Variants in SLC39A1 observed in about 807,000 individuals in gnomAD.
The protein encoded by SLC39A1 is zinc transporter ZIP1.
In SLC39A1, 17 loss-of-function variants were observed where a neutral mutation model predicts 21.4. The observed-to-expected ratio is 0.79, with a 90% CI of 0.54 to 1.19. SLC39A1 has a LOEUF of 1.19. Ranked by LOEUF, SLC39A1 falls within the 50% of genes most tolerant of loss-of-function variation. The pLI is 0.00. For synonymous variants in SLC39A1, 183 were observed against 185.9 expected, an observed-to-expected ratio of 0.98 and a Z score of 0.13; for missense variants, 343 against 399.8, an observed-to-expected ratio of 0.86 and a Z score of 1.21.
upstream of SLC39A1, among the ~76,000 whole-genome samples, chr1:153,965,902 A>G (rs534959263): frequency 1.8e-4 from 28 of 151,882 alleles, no homozygotes; most frequent in Non-Finnish European, 4.1e-4. Flanking sequence ...GATCTCCTCA[A>G]TTTTACCTTA....
chr1:153,965,735 C>T (rs1233247363), upstream of SLC39A1, among the ~76,000 whole-genome samples: 5 of 151,784 alleles, frequency 3.3e-5, no homozygotes, highest in South Asian at 4.2e-4. Context: ...TACAGGCGCC[C>T]GCCACCACGC....
Position 153,960,624 on chromosome 1 carries a change from C to T in SLC39A1, c.449G>A (p.Gly150Glu). ...ATGCTGCGGCCCACCATTCACTGTTCCCAGCAGAGCCCTTGTTTCCTCCAG... is the reference window on the plus strand; with the variant it reads ...ATGCTGCGGCCCACCATTCACTGTTTCCAGCAGAGCCCTTGTTTCCTCCAG... ...SPLEETRALL[G>E]TVNGGPQHWH... Residue 150 changes from glycine (G) to glutamate (E), a missense_variant, in exon 4 of 4, where the codon GGA (glycine) becomes GAA (glutamate). Gly to Glu is a moderately conservative substitution (Grantham distance 98). Transcript: ENST00000356205. 6.2e-7 allele frequency: 1 copy of T among 1,614,224 alleles called. No individual in the cohort carries two copies.
Position 153,960,008 on chromosome 1 carries a change from C to T in SLC39A1, c.*90G>A. 8.8e-6 allele frequency: 13 copies of T among 1,472,666 alleles called. No homozygotes were observed. The highest frequency in any genetic ancestry group is 1.1e-5 in the Non-Finnish European group (12 of 1,094,390). 91.2% of individuals were successfully genotyped at this position (1,472,666 alleles called of 1,614,324 possible). On this transcript the variant is annotated 3_prime_UTR_variant, in exon 4 of 4. Transcript: ENST00000356205. ...TTTTGGTCCTCAGTATTTCCCTTCC[C>T]CTTTCCTTCCTATTCCCCACAACTG... is the stretch of plus-strand genomic sequence containing the variant.
chr1:153,960,757 G>A lies in SLC39A1; in HGVS notation c.319-3C>T. 1 of 1,600,914 alleles carries A rather than the reference G, an allele frequency of 6.2e-7. No homozygotes were observed. Among genetic ancestry groups the A allele is most frequent in the African/African-American group, 1.3e-5 (1 of 74,858 alleles). ...AACTCTTGCAGTGGGAACTGGAGCT[G>A]TGGGCAGAAGCAGCAGCAAAATGTT... is the stretch of plus-strand genomic sequence containing the variant. On this transcript the variant is annotated splice_polypyrimidine_tract_variant and splice_region_variant and intron_variant, in intron 3 of 3. Transcript: ENST00000356205.
At chr1:153,964,766 C>G (rs1193748228), upstream of SLC39A1, 2 of 152,028 alleles carry the variant, frequency 1.3e-5, no homozygotes, top group Non-Finnish European at 2.9e-5. Flanking sequence ...ATGGTGAAAC[C>G]CCGTCTCTAC....
chr1:153,960,373 G>A lies in SLC39A1; in HGVS notation c.700C>T (p.Leu234Phe). The change falls in exon 4 of 4, where the codon CTT becomes TTT. Residue 234 changes from leucine (L) to phenylalanine (F), a missense_variant. Leu to Phe is a conservative substitution (Grantham distance 22). Transcript: ENST00000356205. ...CAGCCAGCCACCACCTGTGCCCTAA[G>A]GTGGCTCTGCAACAGCCGCAGGGAC... ...SLSLRLLQSH[L>F]RAQVVAGCGI... The A allele has an allele frequency of 6.2e-7, 1 of 1,614,004 alleles. No individual in the cohort carries two copies. The highest frequency in any genetic ancestry group is 8.5e-7 in the Non-Finnish European group (1 of 1,180,052).
At chr1:153,963,092 C>A (rs779123638) in intron 1 of SLC39A1, 30 of 185,654 alleles carry the variant, frequency 1.6e-4, no homozygotes, top group Non-Finnish European at 2.6e-4. Flanking sequence ...AATGTAGAGG[C>A]CGGGTCCCCA....
At chr1:153,961,119 T>C (rs1039096081) in intron 3 of SLC39A1, among the ~76,000 whole-genome samples, 3 of 151,982 alleles carry the variant, frequency 2.0e-5, no homozygotes, top group South Asian at 2.1e-4. Context: ...CTACTAAAAA[T>C]ACAAAAATTG....
intron 3 of SLC39A1, 49 bp from the exon 4 acceptor site, chr1:153,960,803 G>A: frequency 6.4e-7 from 1 of 1,555,692 alleles, no homozygotes; most frequent in South Asian, 1.2e-5. Flanking sequence ...AGAGTGAGAT[G>A]CAAAATCTGG....
intron 2 of SLC39A1, 22 bp downstream of exon 2, chr1:153,962,507 G>A (rs1466540933): frequency 6.2e-7 from 1 of 1,605,072 alleles, no homozygotes; most frequent in South Asian, 1.1e-5. Flanking sequence ...TCATAGCAGT[G>A]TGGGGAAAAG....
chr1:153,961,293 AAAAC>A (rs1046825618), intron 3 of SLC39A1, among the ~76,000 whole-genome samples: 12 of 152,166 alleles, frequency 7.9e-5, no homozygotes, highest in East Asian at 5.8e-4. Flanking sequence ...AAACAAAACA[AAAAC>A]AAACAAACAA....
chr1:153,967,986 C>T (rs1189298359), upstream of SLC39A1: 1 of 152,616 alleles, frequency 6.6e-6, no homozygotes, highest in Non-Finnish European at 1.5e-5. Context: ...GTGCTCCAGT[C>T]ACAGCCTTTT....
At chr1:153,961,504 A>G (rs1362768508) in intron 3 of SLC39A1, among the ~76,000 whole-genome samples, 1 of 152,198 alleles carries the variant, frequency 6.6e-6, no homozygotes, top group Non-Finnish European at 1.5e-5. Context: ...CCACACTCCT[A>G]GTTGAGAGTC....
chr1:153,959,626 G>A lies in SLC39A1; in HGVS notation c.*472C>T, dbSNP rs1647233511. ...CAGTCCCCTAGGAGATGGGAGGAGGGAGATAGGTATGAGGGTAGGCGCTAA... is the reference window on the plus strand; with the variant it reads ...CAGTCCCCTAGGAGATGGGAGGAGGAAGATAGGTATGAGGGTAGGCGCTAA... On this transcript the variant is annotated 3_prime_UTR_variant, in exon 4 of 4. Coordinates refer to ENST00000356205, the MANE Select transcript of SLC39A1 (RefSeq NM_001271958.2). The A allele has an allele frequency of 7.7e-6, 2 of 258,970 alleles. No individual in the cohort carries two copies. The highest frequency in any genetic ancestry group is 1.5e-5 in the Non-Finnish European group (2 of 137,436). The allele number at this position is 258,970 out of a possible 1,614,324, so 16.0% of individuals were successfully genotyped here. A position where few individuals can be genotyped will look rare whatever the true frequency, so the allele number is the denominator to read the frequency against.
upstream of SLC39A1, among the ~76,000 whole-genome samples, chr1:153,964,118 C>T (rs1020825226): frequency 2.0e-5 from 3 of 152,274 alleles, no homozygotes; most frequent in East Asian, 1.9e-4. Context: ...ACTTATGGCA[C>T]TCAGTGCAGC....
chr1:153,960,791 G>C, intron 3 of SLC39A1, 37 bp from the exon 4 acceptor site: 2 of 1,576,682 alleles, frequency 1.3e-6, no homozygotes, highest in South Asian at 2.3e-5. Context: ...TTCAGGGAAG[G>C]AAGAGTGAGA....
At chr1:153,964,402 G>C (rs145207908), upstream of SLC39A1, 1 of 152,200 alleles carries the variant, frequency 6.6e-6, no homozygotes, top group Non-Finnish European at 1.5e-5. Flanking sequence ...ACAACTCTGT[G>C]CCTTGAGAAT....
Position 153,962,314 on chromosome 1 carries a change from A to G in SLC39A1, c.224T>C (p.Phe75Ser). Residue 75 changes from phenylalanine to serine, a missense_variant, in exon 3 of 4, where the codon TTC (phenylalanine) becomes TCC (serine). Transcript: ENST00000356205. ...AGTGGCCAAAAAGACGCCCCCCGCG[A>G]AACAGCTTACTAGGCTCAGGGCTTT... ...RQKALSLVSC[F>S]AGGVFLATCL... 6.2e-7 allele frequency: 1 copy of G among 1,614,158 alleles called. No individual in the cohort carries two copies. The highest frequency in any genetic ancestry group is 8.5e-7 in the Non-Finnish European group (1 of 1,180,006).
chr1:153,962,874 G>T, intron 1 of SLC39A1, 127 bp from the exon 2 acceptor site: 2 of 641,248 alleles, frequency 3.1e-6, no homozygotes, highest in African/African-American at 1.8e-5. Flanking sequence ...CCCTACCCAG[G>T]GTGACTCATC....
Sources: allele counts gnomAD v4.1 joint callset (sites outside exome capture counted in the v4.1 genomes callset), GRCh38; gene constraint gnomAD v4.1.1; transcripts MANE v1.5; gene names NCBI Gene and HGNC (gene_info 2026-07-23, HGNC 2026-07-21).